Variants in FAM222A observed in about 807,000 individuals in gnomAD.
FAM222A encodes the protein family with sequence similarity 222 member A.
In FAM222A, 7 loss-of-function variants were observed where a neutral mutation model predicts 25.8. That is an observed-to-expected ratio of 0.27 (90% CI 0.15 to 0.51). FAM222A has a LOEUF of 0.51. Ranked by LOEUF, FAM222A falls within the 20% of genes least tolerant of loss-of-function variation. FAM222A has a pLI of 0.97. For missense variants in FAM222A, 573 were observed against 640.5 expected (o/e 0.89, Z 1.14); for synonymous variants, 294 against 298.8 (o/e 0.98, Z 0.17).
intron 1 of FAM222A, among the ~76,000 whole-genome samples, chr12:109,718,482 G>A (rs1324603665): frequency 1.3e-5 from 2 of 152,210 alleles, no homozygotes; most frequent in African/African-American, 2.4e-5. Context: ...ATCAGGCGGC[G>A]ATTCCTCTGG....
At chr12:109,765,274 C>G (rs1397489850) in intron 2 of FAM222A, among the ~76,000 whole-genome samples, 1 of 152,224 alleles carries the variant, frequency 6.6e-6, no homozygotes, top group African/African-American at 2.4e-5. Context: ...TAGTGGCATC[C>G]CAGGCCATGA....
intron 1 of FAM222A, among the ~76,000 whole-genome samples, chr12:109,723,838 T>A (rs1887794320): frequency 6.6e-6 from 1 of 152,180 alleles, no homozygotes; most frequent in Admixed American, 6.5e-5. Flanking sequence ...CACTCCCGGT[T>A]CAGACAACTG....
chr12:109,761,261 T>C (rs556907851), intron 2 of FAM222A, among the ~76,000 whole-genome samples: 6 of 152,096 alleles, frequency 3.9e-5, no homozygotes, highest in African/African-American at 1.4e-4. Context: ...CTCTGTGCTC[T>C]TCCCAGGAGC....
intron 1 of FAM222A, among the ~76,000 whole-genome samples, chr12:109,730,439 A>T (rs914494075): frequency 2.7e-5 from 4 of 150,576 alleles, no homozygotes; most frequent in African/African-American, 9.8e-5. Context: ...CACACCATTC[A>T]TTTAGTGCCA....
At chr12:109,725,427 T>TCTCC (rs1555288248) in intron 1 of FAM222A, among the ~76,000 whole-genome samples, 4 of 127,348 alleles carry the variant, frequency 3.1e-5, no homozygotes, top group Admixed American at 8.3e-5. Flanking sequence ...CTCTTCTCCC[T>TCTCC]CTCCCTCCCC....
intron 2 of FAM222A, among the ~76,000 whole-genome samples, chr12:109,754,438 A>G (rs893193535): frequency 2.0e-5 from 3 of 152,212 alleles, no homozygotes; most frequent in African/African-American, 4.8e-5. Context: ...ATACAAATGC[A>G]ACCGTACTCC....
intron 1 of FAM222A, among the ~76,000 whole-genome samples, chr12:109,726,735 C>T (rs181341191): frequency 4.8e-4 from 73 of 152,230 alleles, no homozygotes; most frequent in African/African-American, 1.6e-3. Flanking sequence ...GTGCTGTTCC[C>T]GCTTCCCTAG....
At chr12:109,746,869 T>C in intron 2 of FAM222A, among the ~76,000 whole-genome samples, 1 of 152,194 alleles carries the variant, frequency 6.6e-6, no homozygotes, top group East Asian at 1.9e-4. Context: ...ATAACATAAG[T>C]TCATCTGTGT....
In FAM222A at chr12:109,744,203, G is replaced by A. The variant is rs1177910480; in HGVS notation, c.57G>A (p.Pro19=). 8.1e-6 allele frequency: 13 copies of A among 1,613,164 alleles called. No individual in the cohort carries two copies. Among genetic ancestry groups the A allele is most frequent in the Admixed American group, 6.7e-5 (4 of 59,996 alleles). ...QNAPGQHLAC[P]SKSLELRKCE... ...CCCCGGGCCAACACCTGGCCTGCCC[G>A]AGCAAGAGCCTGGAGCTGCGCAAGT... Residue 19 remains proline, a synonymous_variant, in exon 2 of 3, where the codon CCG becomes CCA. Transcript: ENST00000538780.
At chr12:109,742,858 G>C (rs964891613) in intron 1 of FAM222A, among the ~76,000 whole-genome samples, 1 of 152,080 alleles carries the variant, frequency 6.6e-6, no homozygotes, top group Non-Finnish European at 1.5e-5. Flanking sequence ...TGTGAAATTA[G>C]TATCTTAAGA....
intron 2 of FAM222A, among the ~76,000 whole-genome samples, chr12:109,749,609 C>G (rs1247357860): frequency 1.3e-5 from 2 of 152,108 alleles, no homozygotes; most frequent in Non-Finnish European, 2.9e-5. Context: ...CCAATTTTAT[C>G]TCCCATTAAT....
At chr12:109,751,798 T>C (rs1217280709) in intron 2 of FAM222A, among the ~76,000 whole-genome samples, 1 of 152,242 alleles carries the variant, frequency 6.6e-6, no homozygotes, top group African/African-American at 2.4e-5. Flanking sequence ...GGAAAGTGTT[T>C]GCTGCTGACT....
chr12:109,723,963 C>G (rs1409054245), intron 1 of FAM222A, among the ~76,000 whole-genome samples: 1 of 152,068 alleles, frequency 6.6e-6, no homozygotes, highest in Non-Finnish European at 1.5e-5. Context: ...TTTTTCTCCC[C>G]ACCCCACAAA....
Position 109,714,196 on chromosome 12 carries a change from C to A in FAM222A, c.-748C>A. On this transcript the variant is annotated 5_prime_UTR_variant, in exon 1 of 3. Coordinates refer to ENST00000538780, the MANE Select transcript of FAM222A (RefSeq NM_032829.3). This position sits in a 1 kb window ranked among gnomAD's most constrained non-coding sequence, Gnocchi z 4.2. Reference sequence around the variant, plus strand: ...CGAGGCTGCATCCGAGCTTGCGTCGCCCGCTGCCGCCGCCGCCGCCGCTGC... The same window carrying A: ...CGAGGCTGCATCCGAGCTTGCGTCGACCGCTGCCGCCGCCGCCGCCGCTGC... 4.8e-6 allele frequency: 1 copy of A among 209,472 alleles called. No individual in the cohort carries two copies. Among genetic ancestry groups the A allele is most frequent in the Non-Finnish European group, 9.6e-6 (1 of 104,496 alleles). The allele number at this position is 209,472 out of a possible 1,614,324, so 13.0% of individuals were successfully genotyped here. A position where few individuals can be genotyped will look rare whatever the true frequency, so the allele number is the denominator to read the frequency against.
intron 2 of FAM222A, among the ~76,000 whole-genome samples, chr12:109,760,668 T>C (rs1257066912): frequency 6.6e-6 from 1 of 152,236 alleles, no homozygotes; most frequent in Non-Finnish European, 1.5e-5. Context: ...TGACCCCCGC[T>C]TGACACTCTA....
Position 109,768,001 on chromosome 12 carries a change from TC to T in FAM222A, c.83-9del. ...TCCTGATGGGCCCTCACACCTGCTT[TC>T]CTCCCACAGGCGAGGCGGTGGCCAG... On this transcript the variant is annotated splice_polypyrimidine_tract_variant and intron_variant, in intron 2 of 2. Coordinates refer to ENST00000538780, the MANE Select transcript of FAM222A (RefSeq NM_032829.3). The T allele has an allele frequency of 6.2e-7, 1 of 1,608,336 alleles. No individual in the cohort carries two copies. Among genetic ancestry groups the T allele is most frequent in the Non-Finnish European group, 8.5e-7 (1 of 1,176,532 alleles).
intron 2 of FAM222A, among the ~76,000 whole-genome samples, chr12:109,757,069 T>C (rs577801721): frequency 7.2e-5 from 11 of 152,372 alleles, no homozygotes; most frequent in African/African-American, 2.6e-4. Context: ...TGGTAGTTGA[T>C]GTCTTTCTAG....
intron 2 of FAM222A, among the ~76,000 whole-genome samples, chr12:109,765,006 A>G (rs958041521): frequency 6.6e-6 from 1 of 151,980 alleles, no homozygotes; most frequent in Admixed American, 6.6e-5. Context: ...GTGAGGCCAG[A>G]TGAACGGAGA....
At chr12:109,738,640 G>C (rs887165196) in intron 1 of FAM222A, among the ~76,000 whole-genome samples, 1 of 152,232 alleles carries the variant, frequency 6.6e-6, no homozygotes, top group Admixed American at 6.5e-5. Flanking sequence ...CTTGCATGAT[G>C]AACTGCTGGG....
Sources: gnomAD v4.1 joint callset for allele counts (sites outside exome capture counted in the v4.1 genomes callset) on GRCh38, gnomAD v4.1.1 for gene constraint, Gnocchi (gnomAD v3.1) non-coding constraint, MANE v1.5 for transcripts, NCBI Gene and HGNC (gene_info 2026-07-23, HGNC 2026-07-21) for gene names.